The following PTPRD variants were observed in gnomAD, a reference collection of about 807,000 sequenced individuals.
PTPRD encodes the protein receptor-type tyrosine-protein phosphatase delta.
A neutral mutation model predicts 214.5 loss-of-function variants in PTPRD; 34 were observed. That is an observed-to-expected ratio of 0.16 (90% CI 0.12 to 0.21). The LOEUF (loss-of-function observed/expected upper bound fraction) is 0.21. Among genes scored for constraint, PTPRD ranks in the 10% least tolerant of loss-of-function variants. PTPRD has a pLI of 1.00. For synonymous variants in PTPRD, 1,128 were observed against 845.7 expected (o/e 1.33, Z -5.79); for missense variants, 2,545 against 2,398.7 (o/e 1.06, Z -1.27).
intron 8 of PTPRD, among the ~76,000 whole-genome samples, chr9:9,524,690 A>G (rs994850789): frequency 6.6e-6 from 1 of 152,180 alleles, no homozygotes; most frequent in Non-Finnish European, 1.5e-5. Flanking sequence ...TTTTGTCTTT[A>G]TTGATCCTGA....
chr9:8,782,836 T>G (rs754317376), intron 11 of PTPRD, among the ~76,000 whole-genome samples: 3 of 152,102 alleles, frequency 2.0e-5, no homozygotes, highest in Non-Finnish European at 2.9e-5. Context: ...CCTCGTGATC[T>G]GCCCTCCTTG....
In PTPRD at chr9:8,496,831, T is replaced by C. The variant is rs72694735; in HGVS notation, c.2349+411A>G. Among the ~76,000 whole-genome samples, 1,513 of 152,322 alleles carry C rather than the reference T, an allele frequency of 9.9e-3. 15 individuals carry two copies. The highest frequency in any genetic ancestry group is 0.028 in the African/African-American group (1,163 of 41,572). ...ACTTGTAAACTTTCTTAAAACATTA[T>C]GAGATTTTTTTCTGTTTTAGCTCAT... On this transcript the variant is annotated intron_variant, in intron 26 of 45. Coordinates refer to ENST00000381196, the MANE Select transcript of PTPRD (RefSeq NM_002839.4).
intron 3 of PTPRD, among the ~76,000 whole-genome samples, chr9:10,116,526 T>A (rs2098732451): frequency 6.6e-6 from 1 of 152,166 alleles, no homozygotes; most frequent in South Asian, 2.1e-4. Context: ...ACACACATTG[T>A]TAGGTTTTTT....
chr9:8,605,919 T>C (rs1477063675), intron 14 of PTPRD, among the ~76,000 whole-genome samples: 1 of 152,176 alleles, frequency 6.6e-6, no homozygotes, highest in Non-Finnish European at 1.5e-5. Context: ...TGCCACAGCA[T>C]GGATGAGTCC....
chr9:8,427,657 ATTCTTC>A (rs1241111920), intron 35 of PTPRD, among the ~76,000 whole-genome samples: 1 of 151,934 alleles, frequency 6.6e-6, no homozygotes, highest in Non-Finnish European at 1.5e-5. Context: ...TCAGTCTTTT[ATTCTTC>A]TTCTTCTTAT....
At chr9:9,793,179 C>T (rs1208758841) in intron 5 of PTPRD, among the ~76,000 whole-genome samples, 1 of 152,012 alleles carries the variant, frequency 6.6e-6, no homozygotes, top group Non-Finnish European at 1.5e-5. Context: ...TTTTAGTCTC[C>T]TATATTCACA....
chr9:9,714,893 G>T (rs1386315540), intron 7 of PTPRD, among the ~76,000 whole-genome samples: 1 of 152,150 alleles, frequency 6.6e-6, no homozygotes. Context: ...GTGGTAAATA[G>T]GGGGGTAAAT....
intron 4 of PTPRD, among the ~76,000 whole-genome samples, chr9:9,987,776 T>C (rs1273357186): frequency 2.6e-5 from 4 of 152,222 alleles, no homozygotes; most frequent in African/African-American, 7.2e-5. Flanking sequence ...CCTAGCAGCA[T>C]AGTAATGTAT....
At chr9:8,713,919 C>T (rs915950061) in intron 12 of PTPRD, 3 of 733,472 alleles carry the variant, frequency 4.1e-6, no homozygotes, top group African/African-American at 1.8e-5. Flanking sequence ...TCTTTATCCA[C>T]TGACGCATAA....
chr9:8,491,544 T>C (rs2097149771), intron 27 of PTPRD, among the ~76,000 whole-genome samples: 2 of 152,054 alleles, frequency 1.3e-5, no homozygotes, highest in Admixed American at 1.3e-4. Flanking sequence ...TTCTTTGTTG[T>C]TGACGTTCTA....
intron 5 of PTPRD, among the ~76,000 whole-genome samples, chr9:9,852,287 A>G (rs968483496): frequency 8.5e-5 from 13 of 152,180 alleles, no homozygotes; most frequent in Non-Finnish European, 1.5e-4. Context: ...ATCTAAAATC[A>G]GAATTTTGAA....
intron 2 of PTPRD, among the ~76,000 whole-genome samples, chr9:10,400,929 T>C (rs928265683): frequency 1.3e-5 from 2 of 151,668 alleles, no homozygotes; most frequent in Non-Finnish European, 1.5e-5. Context: ...CTTTCTTTAC[T>C]CCTTAAACAT....
intron 4 of PTPRD, among the ~76,000 whole-genome samples, chr9:9,995,808 C>T (rs139521286): frequency 6.6e-6 from 1 of 152,138 alleles, no homozygotes; most frequent in East Asian, 1.9e-4. Context: ...AGATTATATT[C>T]TTATATTTTT....
At chr9:9,742,872 T>A (rs1324461671) in intron 6 of PTPRD, among the ~76,000 whole-genome samples, 1 of 152,166 alleles carries the variant, frequency 6.6e-6, no homozygotes, top group African/African-American at 2.4e-5. Context: ...GGTTTTGCTT[T>A]TTTATTGTTG....
intron 12 of PTPRD, among the ~76,000 whole-genome samples, chr9:8,674,934 G>T (rs1239207873): frequency 2.0e-5 from 3 of 152,046 alleles, no homozygotes. Context: ...TCTAGATACT[G>T]TCAAATAGCA....
chr9:9,806,378 C>T (rs576276473), intron 5 of PTPRD, among the ~76,000 whole-genome samples: 2 of 152,232 alleles, frequency 1.3e-5, no homozygotes, highest in South Asian at 4.1e-4. Flanking sequence ...TATGACATTC[C>T]CCCGCCTTTC....
intron 5 of PTPRD, among the ~76,000 whole-genome samples, chr9:9,893,563 G>C (rs1199445672): frequency 1.3e-5 from 2 of 152,066 alleles, no homozygotes; most frequent in African/African-American, 4.8e-5. Flanking sequence ...TTCATGTAAT[G>C]GTTAATAGTA....
rs568621941 is a variant in PTPRD at position 9,003,875 on chromosome 9, C to T, written c.-104+14822G>A. On this transcript the variant is annotated intron_variant, in intron 11 of 45. Transcript: ENST00000381196. ...CTGATAACGTCACTACACATAGGAA[C>T]ATGACAATGCATCAACTTTCATGTG... 4.6e-5 allele frequency among the ~76,000 whole-genome samples: 7 copies of T among 152,184 alleles called. No homozygotes were observed. In the South Asian group the frequency reaches 1.4e-3, roughly 32 times the overall value.
intron 8 of PTPRD, among the ~76,000 whole-genome samples, chr9:9,418,487 G>T (rs190811601): frequency 6.6e-6 from 1 of 151,946 alleles, no homozygotes; most frequent in Non-Finnish European, 1.5e-5. Context: ...CATGGGGACT[G>T]GCAGTAGACT....
Sources: gnomAD v4.1 joint callset for allele counts (sites outside exome capture counted in the v4.1 genomes callset) on GRCh38, gnomAD v4.1.1 for gene constraint, MANE v1.5 for transcripts, NCBI Gene and HGNC (gene_info 2026-07-23, HGNC 2026-07-21) for gene names.